SMOC1: variants seen among roughly 807,000 people sequenced by gnomAD.
SMOC1 encodes SPARC related modular calcium binding 1.
SMOC1 carries 22 observed loss-of-function variants against 56.3 expected under a neutral mutation model. The observed-to-expected ratio is 0.39, with a 90% CI of 0.28 to 0.56. The LOEUF (loss-of-function observed/expected upper bound fraction) is 0.56. Among genes scored for constraint, SMOC1 ranks in the 20% least tolerant of loss-of-function variants. The probability of loss-of-function intolerance (pLI) is 0.61; values close to 1 mark genes in which losing one functional copy is unlikely to be tolerated. For synonymous variants in SMOC1, 193 were observed against 215.0 expected (o/e 0.90, Z 0.89); for missense variants, 509 against 565.4 (o/e 0.90, Z 1.01).
intron 1 of SMOC1, chr14:69,885,884 G>C: frequency 6.3e-7 from 1 of 1,599,908 alleles, no homozygotes; most frequent in South Asian, 1.1e-5. Context: ...GCGGTCCAGG[G>C]CCTGGGTGAA....
intron 5 of SMOC1, among the ~76,000 whole-genome samples, chr14:69,978,449 C>T (rs906617927): frequency 2.0e-5 from 3 of 152,158 alleles, no homozygotes; most frequent in South Asian, 2.1e-4. Flanking sequence ...TGTGGGCATG[C>T]GACCTGTGCA....
chr14:69,902,015 C>A (rs996493007), intron 1 of SMOC1, among the ~76,000 whole-genome samples: 1 of 152,236 alleles, frequency 6.6e-6, no homozygotes, highest in Non-Finnish European at 1.5e-5. Context: ...ATCCCACCTC[C>A]CAGTTCTAGG....
At chr14:69,900,502 A>C (rs977267464) in intron 1 of SMOC1, among the ~76,000 whole-genome samples, 2 of 152,172 alleles carry the variant, frequency 1.3e-5, no homozygotes, top group African/African-American at 4.8e-5. Flanking sequence ...GGCTCTTCTT[A>C]TGTGCCGGGT....
chr14:69,900,149 G>C (rs567703261), intron 1 of SMOC1, among the ~76,000 whole-genome samples: 120 of 152,306 alleles, frequency 7.9e-4, no homozygotes, highest in Non-Finnish European at 1.5e-3. Flanking sequence ...TGCTAAAGTT[G>C]TCAATGCAGA....
chr14:69,913,591 A>G (rs1884611964), intron 1 of SMOC1, among the ~76,000 whole-genome samples: 1 of 152,198 alleles, frequency 6.6e-6, no homozygotes, highest in African/African-American at 2.4e-5. Flanking sequence ...AATCTGACCA[A>G]CCTACTTGGA....
At chr14:69,901,987 C>T (rs1196022789) in intron 1 of SMOC1, among the ~76,000 whole-genome samples, 1 of 152,210 alleles carries the variant, frequency 6.6e-6, no homozygotes, top group Non-Finnish European at 1.5e-5. Flanking sequence ...CTCTACTCTT[C>T]ATAACTTGAG....
intron 7 of SMOC1, among the ~76,000 whole-genome samples, chr14:69,997,530 A>G (rs1884810472): frequency 6.6e-6 from 1 of 152,220 alleles, no homozygotes; most frequent in African/African-American, 2.4e-5. Flanking sequence ...TGATTTCCTT[A>G]TATGTAAAAC....
rs143252196 is a variant in SMOC1, at chr14:70,011,363, C to T, written c.858-122C>T. ...AGCTGCCGGGCAGCGCAAGAGATAT[C>T]GTTCTGCCCACCCTCAGTGCTTTAG... On this transcript the variant is annotated intron_variant, in intron 8 of 11. Transcript: ENST00000361956. 1.9e-3 allele frequency: 1,773 copies of T among 912,976 alleles called. 6 individuals are homozygous for T. Among genetic ancestry groups the T allele is most frequent in the Middle Eastern group, 0.013 (62 of 4,730 alleles). The allele number at this position is 912,976 out of a possible 1,614,324, so 56.6% of individuals were successfully genotyped here.
chr14:70,006,704 G>A (rs1885159393), intron 7 of SMOC1, among the ~76,000 whole-genome samples: 1 of 152,178 alleles, frequency 6.6e-6, no homozygotes, highest in Non-Finnish European at 1.5e-5. Context: ...TTTAATCCTG[G>A]ACTCATCCAG....
intron 1 of SMOC1, among the ~76,000 whole-genome samples, chr14:69,895,486 T>G (rs116404591): frequency 6.6e-6 from 1 of 152,206 alleles, no homozygotes; most frequent in Non-Finnish European, 1.5e-5. Flanking sequence ...AAGGTCGACA[T>G]GATAGTTTCC....
chr14:69,994,572 T>G lies in SMOC1; in HGVS notation c.664+92T>G, dbSNP rs916429653. 1.1e-5 allele frequency: 11 copies of G among 989,866 alleles called. No homozygotes were observed. The African/African-American group carries it at 1.3e-4, about 11-fold the overall frequency. The allele number at this position is 989,866 out of a possible 1,614,324, so 61.3% of individuals were successfully genotyped here. On this transcript the variant is annotated intron_variant, in intron 7 of 11. Transcript: ENST00000361956. ...TACTTATTGTGTGGGTTTGGAAAAA[T>G]CATTTAATCTGTCTGGTTGTCAATT...
chr14:69,927,123 C>T (rs1212947867), intron 1 of SMOC1, among the ~76,000 whole-genome samples: 1 of 152,276 alleles, frequency 6.6e-6, no homozygotes, highest in African/African-American at 2.4e-5. Context: ...AGCTAAACAA[C>T]ATGCCCAAGG....
intron 7 of SMOC1, among the ~76,000 whole-genome samples, chr14:70,004,493 C>G (rs1482088732): frequency 6.6e-6 from 1 of 152,180 alleles, no homozygotes; most frequent in Non-Finnish European, 1.5e-5. Context: ...GAGGTTTCCC[C>G]AAAAAGAAGG....
chr14:69,996,571 A>G (rs1425921080), intron 7 of SMOC1, among the ~76,000 whole-genome samples: 2 of 152,228 alleles, frequency 1.3e-5, no homozygotes, highest in Non-Finnish European at 2.9e-5. Flanking sequence ...CAATTAGATG[A>G]GAATAGGGTC....
chr14:69,913,947 G>A (rs141338326), intron 1 of SMOC1, among the ~76,000 whole-genome samples: 1 of 152,334 alleles, frequency 6.6e-6, no homozygotes, highest in East Asian at 1.9e-4. Flanking sequence ...TAGAGTTAGA[G>A]TGGAAATGCT....
chr14:69,891,652 G>A (rs1274782298), intron 1 of SMOC1, among the ~76,000 whole-genome samples: 2 of 152,096 alleles, frequency 1.3e-5, no homozygotes, highest in East Asian at 1.9e-4. Context: ...GCCTGCCAGC[G>A]TTAGTGCTCG....
At chr14:69,896,239 A>G (rs1431303204) in intron 1 of SMOC1, among the ~76,000 whole-genome samples, 1 of 152,206 alleles carries the variant, frequency 6.6e-6, no homozygotes, top group Admixed American at 6.5e-5. Context: ...CTGAGCTAAT[A>G]CCATTTGACT....
chr14:69,904,014 C>T (rs79098175), intron 1 of SMOC1, among the ~76,000 whole-genome samples: 8,860 of 152,206 alleles, frequency 0.058, 316 homozygotes, highest in Non-Finnish European at 0.079. Flanking sequence ...CGTCTCGGAC[C>T]TCAGCCTTGC....
At chr14:70,001,404 TG>T (rs1367141498) in intron 7 of SMOC1, among the ~76,000 whole-genome samples, 1 of 152,090 alleles carries the variant, frequency 6.6e-6, no homozygotes, top group Non-Finnish European at 1.5e-5. Context: ...ACCAAAGGGA[TG>T]GGGGGTGATG....
Sources: allele counts gnomAD v4.1 joint callset (sites outside exome capture counted in the v4.1 genomes callset), GRCh38; gene constraint gnomAD v4.1.1; transcripts MANE v1.5; gene names NCBI Gene and HGNC (gene_info 2026-07-23, HGNC 2026-07-21).